The following ZNF451 variants were observed in gnomAD, a reference collection of about 807,000 sequenced individuals.
ZNF451 encodes E3 SUMO-protein ligase ZNF451.
Under a neutral mutation model 107.1 loss-of-function variants are expected in ZNF451, and 80 were observed. The ratio of observed to expected loss-of-function variants is 0.75; its 90% CI spans 0.62 to 0.90. The LOEUF (loss-of-function observed/expected upper bound fraction) is 0.90. Ranked by LOEUF, ZNF451 falls within the 40% of genes least tolerant of loss-of-function variation. The probability of loss-of-function intolerance (pLI) is 0.00; values close to 1 mark genes in which losing one functional copy is unlikely to be tolerated. For synonymous variants in ZNF451, 362 were observed against 406.5 expected (o/e 0.89, Z 1.32); for missense variants, 1,107 against 1,236.2 (o/e 0.90, Z 1.57).
intron 12 of ZNF451, 66 bp from the exon 13 acceptor site, chr6:57,153,795 T>C (rs1013270806): frequency 2.1e-5 from 32 of 1,512,946 alleles, no homozygotes; most frequent in Non-Finnish European, 2.9e-5. Context: ...CATTCTGAAA[T>C]AGATGTAACT....
intron 4 of ZNF451, among the ~76,000 whole-genome samples, chr6:57,128,309 C>CT (rs1009200114): frequency 4.6e-5 from 7 of 151,978 alleles, no homozygotes; most frequent in African/African-American, 7.2e-5. Context: ...TATTTTCAGG[C>CT]TTTTTTTTCC....
At chr6:57,125,850 T>C (rs1593123459) in intron 4 of ZNF451, among the ~76,000 whole-genome samples, 1 of 149,736 alleles carries the variant, frequency 6.7e-6, no homozygotes. Context: ...CACACACACA[T>C]ACACATATGC....
At chr6:57,168,295 A>T (rs1291083498) in intron 14 of ZNF451, 128 bp from the exon 15 acceptor site, 1 of 614,148 alleles carries the variant, frequency 1.6e-6, no homozygotes, top group Non-Finnish European at 2.8e-6. Context: ...CTGCCAAGTT[A>T]TCCTGTGTTT....
chr6:57,126,398 C>G (rs913948062), intron 4 of ZNF451: 1 of 151,602 alleles, frequency 6.6e-6, no homozygotes, highest in African/African-American at 2.4e-5. Context: ...GATGACAAAA[C>G]AACAACAACA....
intron 7 of ZNF451, among the ~76,000 whole-genome samples, chr6:57,138,725 ATATATATATATATATATGTG>A (rs1299640204): frequency 1.1e-3 from 125 of 116,434 alleles, no homozygotes; most frequent in African/African-American, 3.9e-3. Context: ...ATATATATAT[ATATATATATATATATATGTG>A]TGTGTGTGTG....
At chr6:57,104,556 C>T (rs546708318) in intron 3 of ZNF451, 5 of 985,174 alleles carry the variant, frequency 5.1e-6, no homozygotes, top group South Asian at 4.7e-5. Context: ...GATTTTGGCA[C>T]TTCCCTTTAA....
chr6:57,139,746 TA>T (rs1219617980), intron 7 of ZNF451, among the ~76,000 whole-genome samples: 1 of 152,174 alleles, frequency 6.6e-6, no homozygotes, highest in Non-Finnish European at 1.5e-5. Context: ...GTGTCAAATT[TA>T]AAAAGTGACC....
chr6:57,093,173 G>A (rs560971876), intron 2 of ZNF451: 2 of 152,158 alleles, frequency 1.3e-5, no homozygotes, highest in African/African-American at 4.8e-5. Context: ...AGCTGATGAT[G>A]TGATAGTTCA....
intron 2 of ZNF451, among the ~76,000 whole-genome samples, chr6:57,096,610 G>C (rs1297925141): frequency 7.8e-6 from 1 of 128,836 alleles, no homozygotes; most frequent in Non-Finnish European, 1.6e-5. Context: ...CCGGGGCGGG[G>C]GGGTAGGGGG....
At position 57,167,182 on chromosome 6, in the gene ZNF451, TAC is replaced by T. The variant is rs397975599; in HGVS notation, c.3140-1219_3140-1218del. ...CAGACGTTGTGATTTCGTATATATA[TAC>T]ACACACACACACACACACACATATA... On this transcript the variant is annotated intron_variant, in intron 14 of 14. Coordinates refer to ENST00000370706, the MANE Select transcript of ZNF451 (RefSeq NM_001031623.3). Among the ~76,000 whole-genome samples, 165 of 149,736 alleles carry T rather than the reference TAC, an allele frequency of 1.1e-3. 2 individuals are homozygous for T. The highest frequency in any genetic ancestry group is 2.5e-3 in the African/African-American group (103 of 40,858).
chr6:57,167,777 A>C (rs568906175), intron 14 of ZNF451, among the ~76,000 whole-genome samples: 1 of 152,210 alleles, frequency 6.6e-6, no homozygotes, highest in Non-Finnish European at 1.5e-5. Flanking sequence ...GAACTCAACT[A>C]TTGTGAACCC....
chr6:57,099,896 A>G (rs1276579013), intron 3 of ZNF451, among the ~76,000 whole-genome samples: 1 of 152,256 alleles, frequency 6.6e-6, no homozygotes, highest in Non-Finnish European at 1.5e-5. Flanking sequence ...ACTTGGAATC[A>G]GAATACCTGG....
At chr6:57,113,619 AATT>A (rs1830217714) in intron 3 of ZNF451, among the ~76,000 whole-genome samples, 1 of 150,982 alleles carries the variant, frequency 6.6e-6, no homozygotes. Context: ...GAGAAAAAAA[AATT>A]TTTTTTTTTT....
chr6:57,114,130 G>T (rs979961935), intron 3 of ZNF451, among the ~76,000 whole-genome samples: 3 of 152,184 alleles, frequency 2.0e-5, no homozygotes, highest in East Asian at 1.9e-4. Flanking sequence ...AATTTATTTT[G>T]GTTTTTAATT....
At chr6:57,131,937 G>A (rs1250417268) in intron 5 of ZNF451, among the ~76,000 whole-genome samples, 1 of 152,064 alleles carries the variant, frequency 6.6e-6, no homozygotes, top group African/African-American at 2.4e-5. Context: ...CATATATCAT[G>A]CGTTGGGAGT....
rs1830845500 is a variant in ZNF451 at position 57,124,769 on chromosome 6, GAAGGATAA to G, written c.224_231del (p.Lys75SerfsTer13). ...AACGTAAAGACCATATTGATTATCA[GAAGGATAA>G]AGTTGCTTTAACTCTGGCTCGTCTA... is the stretch of plus-strand genomic sequence containing the variant. On this transcript the variant is annotated frameshift_variant, in exon 4 of 15. Coordinates refer to ENST00000370706, the MANE Select transcript of ZNF451 (RefSeq NM_001031623.3). LOFTEE classifies it high-confidence loss of function. 1.3e-6 allele frequency: 2 copies of G among 1,599,124 alleles called. No individual in the cohort carries two copies. Among genetic ancestry groups the G allele is most frequent in the African/African-American group, 2.7e-5 (2 of 74,542 alleles).
chr6:57,160,039 T>C (rs1395946355), intron 13 of ZNF451, among the ~76,000 whole-genome samples: 1 of 152,178 alleles, frequency 6.6e-6, no homozygotes, highest in Non-Finnish European at 1.5e-5. Context: ...AAGCACAATA[T>C]TAGGTCATTG....
intron 9 of ZNF451, among the ~76,000 whole-genome samples, chr6:57,143,876 G>A (rs1164022952): frequency 6.6e-6 from 1 of 152,178 alleles, no homozygotes; most frequent in Non-Finnish European, 1.5e-5. Context: ...CCATGAAAAG[G>A]ATTGAAATCC....
chr6:57,141,874 G>A, intron 8 of ZNF451, 74 bp from the exon 9 acceptor site: 3 of 1,327,926 alleles, frequency 2.3e-6, no homozygotes, highest in Non-Finnish European at 3.1e-6. Flanking sequence ...ATGTTGAGAA[G>A]GGCTGAGGGG....
Sources: allele counts gnomAD v4.1 joint callset (sites outside exome capture counted in the v4.1 genomes callset), GRCh38; gene constraint gnomAD v4.1.1; transcripts MANE v1.5; gene names NCBI Gene and HGNC (gene_info 2026-07-23, HGNC 2026-07-21).